The following QTMAN variants were observed in gnomAD, a reference collection of about 807,000 sequenced individuals.
QTMAN encodes the protein queuosine-tRNA mannosyltransferase.
At chr2:144,127,664 T>C in the QTMAN span, among the ~76,000 whole-genome samples, 2 of 152,040 alleles carry the variant, frequency 1.3e-5, no homozygotes, top group Middle Eastern at 6.8e-3. Flanking sequence ...ACCTTATACA[T>C]GGGAAGGGCA....
the QTMAN span, among the ~76,000 whole-genome samples, chr2:144,097,610 T>C: frequency 1.3e-5 from 2 of 152,282 alleles, no homozygotes; most frequent in East Asian, 3.9e-4. Flanking sequence ...CATACACATG[T>C]GCAACCACTG....
the QTMAN span, among the ~76,000 whole-genome samples, chr2:144,262,972 GGGA>G: frequency 9.8e-6 from 1 of 102,352 alleles, no homozygotes; most frequent in Admixed American, 9.4e-5. Flanking sequence ...GAGAGGGGAA[GGGA>G]GGAGAGGGGA....
chr2:144,274,590 G>C, the QTMAN span, among the ~76,000 whole-genome samples: 2 of 152,288 alleles, frequency 1.3e-5, no homozygotes, highest in Non-Finnish European at 2.9e-5. Flanking sequence ...GGTTCAGTTC[G>C]AGGAGCTTCC....
At chr2:144,002,052 C>T in the QTMAN span, among the ~76,000 whole-genome samples, 1 of 151,906 alleles carries the variant, frequency 6.6e-6, no homozygotes, top group Admixed American at 6.6e-5. Flanking sequence ...GCCTTTTTCA[C>T]TGTGTTGACA....
At chr2:144,191,840 A>C in the QTMAN span, among the ~76,000 whole-genome samples, 1 of 152,246 alleles carries the variant, frequency 6.6e-6, no homozygotes, top group Non-Finnish European at 1.5e-5. Context: ...TCAAGAATCC[A>C]TAAGTTAATT....
chr2:143,991,433 G>A, the QTMAN span, among the ~76,000 whole-genome samples: 1 of 146,608 alleles, frequency 6.8e-6, no homozygotes, highest in African/African-American at 2.5e-5. Context: ...GGAGGGAGGT[G>A]GGGGGGTCAG....
chr2:144,045,001 G>C, the QTMAN span, among the ~76,000 whole-genome samples: 1 of 152,298 alleles, frequency 6.6e-6, no homozygotes, highest in Non-Finnish European at 1.5e-5. Flanking sequence ...GTATGAGACA[G>C]CAACTGTGCC....
the QTMAN span, chr2:143,938,148 A>T: frequency 6.6e-6 from 1 of 152,238 alleles, no homozygotes; most frequent in Non-Finnish European, 1.5e-5. Flanking sequence ...AGCCAAGACG[A>T]TGAAAGCCAG....
At chr2:144,189,838 T>A in the QTMAN span, among the ~76,000 whole-genome samples, 5 of 152,170 alleles carry the variant, frequency 3.3e-5, no homozygotes, top group South Asian at 1.0e-3. Flanking sequence ...GCCATGCTGG[T>A]CATGAACTCC....
chr2:144,114,599 C>T, the QTMAN span, among the ~76,000 whole-genome samples: 2 of 152,106 alleles, frequency 1.3e-5, no homozygotes, highest in African/African-American at 4.8e-5. Context: ...TTTTACAAGA[C>T]CTTAACTCTC....
chr2:144,273,543 G>A, the QTMAN span, among the ~76,000 whole-genome samples: 1 of 152,080 alleles, frequency 6.6e-6, no homozygotes, highest in Non-Finnish European at 1.5e-5. Flanking sequence ...ACCAGGCAGG[G>A]GAGGGAAAAG....
chr2:144,306,319 A>C, the QTMAN span, among the ~76,000 whole-genome samples: 1 of 152,236 alleles, frequency 6.6e-6, no homozygotes. Flanking sequence ...CGGGTTAGTC[A>C]GCTCAGGTTT....
At chr2:143,997,650 G>A in the QTMAN span, among the ~76,000 whole-genome samples, 1 of 151,992 alleles carries the variant, frequency 6.6e-6, no homozygotes, top group African/African-American at 2.4e-5. Context: ...ATAGACATAA[G>A]AATTTTCCAT....
chr2:143,977,371 A>G, the QTMAN span, among the ~76,000 whole-genome samples: 7 of 152,230 alleles, frequency 4.6e-5, no homozygotes, highest in South Asian at 4.1e-4. Flanking sequence ...CCGTGTCTCC[A>G]CTCCACTTCC....
chr2:144,332,435 T>TCAC, the QTMAN span: 3 of 147,084 alleles, frequency 2.0e-5, no homozygotes, highest in African/African-American at 7.4e-5. Flanking sequence ...CGGAGCCTAC[T>TCAC]CACCTCCTCC....
the QTMAN span, among the ~76,000 whole-genome samples, chr2:144,217,369 A>C: frequency 6.6e-6 from 1 of 151,852 alleles, no homozygotes; most frequent in Non-Finnish European, 1.5e-5. Flanking sequence ...GTTAAAAAAA[A>C]CCCTCCATTT....
chr2:144,304,246 G>A, the QTMAN span, among the ~76,000 whole-genome samples: 1 of 152,170 alleles, frequency 6.6e-6, no homozygotes, highest in East Asian at 1.9e-4. Flanking sequence ...ATTTACCTCT[G>A]TATAGTTTAC....
the QTMAN span, among the ~76,000 whole-genome samples, chr2:144,022,028 G>A: frequency 7.9e-5 from 12 of 150,982 alleles, no homozygotes; most frequent in Non-Finnish European, 1.8e-4. Context: ...AAGGTATGGG[G>A]CAGGGGGGTA....
At chr2:144,184,925 G>A in the QTMAN span, among the ~76,000 whole-genome samples, 3 of 152,152 alleles carry the variant, frequency 2.0e-5, no homozygotes, top group Non-Finnish European at 2.9e-5. Context: ...AAACCTAACC[G>A]TAAATAGCTA....
Sources: allele counts gnomAD v4.1 joint callset (sites outside exome capture counted in the v4.1 genomes callset), GRCh38; gene constraint gnomAD v4.1.1; transcripts MANE v1.5; gene names NCBI Gene and HGNC (gene_info 2026-07-23, HGNC 2026-07-21).